THSD7B: variants seen among roughly 807,000 people sequenced by gnomAD.
THSD7B encodes thrombospondin type-1 domain-containing protein 7B.
A neutral mutation model predicts 213.6 loss-of-function variants in THSD7B; 138 were observed. The observed-to-expected ratio is 0.65, with a 90% CI of 0.56 to 0.74. The LOEUF is 0.74. THSD7B is among the 30% of genes least tolerant of loss of function. The pLI is 0.00. For missense variants in THSD7B, 1,931 were observed against 1,991.5 expected (o/e 0.97, Z 0.58); for synonymous variants, 742 against 687.0 (o/e 1.08, Z -1.25).
intron 3 of THSD7B, among the ~76,000 whole-genome samples, chr2:137,090,388 C>T (rs1488807507): frequency 3.3e-5 from 5 of 151,952 alleles, no homozygotes; most frequent in African/African-American, 1.2e-4. Context: ...TTATATTACT[C>T]TATTTTTCTA....
intron 2 of THSD7B, among the ~76,000 whole-genome samples, chr2:136,885,229 C>G (rs1056829789): frequency 1.3e-5 from 2 of 152,156 alleles, no homozygotes; most frequent in African/African-American, 2.4e-5. Context: ...TACTCTTTTG[C>G]TGGTGTCTAT....
At chr2:137,374,853 C>T (rs572893318) in intron 12 of THSD7B, among the ~76,000 whole-genome samples, 1 of 152,252 alleles carries the variant, frequency 6.6e-6, no homozygotes, top group Admixed American at 6.5e-5. Flanking sequence ...TATCAATACA[C>T]TTGAGTTTCC....
intron 15 of THSD7B, among the ~76,000 whole-genome samples, chr2:137,510,217 G>GA (rs1313797978): frequency 2.6e-5 from 4 of 151,846 alleles, no homozygotes; most frequent in Non-Finnish European, 5.9e-5. Context: ...TATCTTCGAT[G>GA]AATTTTAATA....
intron 19 of THSD7B, among the ~76,000 whole-genome samples, chr2:137,619,610 C>T (rs1395617497): frequency 8.6e-6 from 1 of 116,364 alleles, no homozygotes; most frequent in Non-Finnish European, 2.0e-5. Flanking sequence ...CTACAACTCC[C>T]AATAGGTGAG....
intron 7 of THSD7B, among the ~76,000 whole-genome samples, chr2:137,177,519 C>T (rs1680380728): frequency 6.6e-6 from 1 of 152,170 alleles, no homozygotes; most frequent in Non-Finnish European, 1.5e-5. Flanking sequence ...GCATCAGAAT[C>T]ACCTGGTGGG....
At chr2:136,815,249 A>C (rs571640012) in intron 1 of THSD7B, among the ~76,000 whole-genome samples, 3 of 152,214 alleles carry the variant, frequency 2.0e-5, no homozygotes, top group Admixed American at 6.5e-5. Context: ...TGGAGAGAAG[A>C]AGCACAGGAG....
At chr2:137,328,989 T>C (rs1684432210) in intron 12 of THSD7B, among the ~76,000 whole-genome samples, 1 of 152,170 alleles carries the variant, frequency 6.6e-6, no homozygotes, top group South Asian at 2.1e-4. Context: ...AGTGTGAGAA[T>C]GGACTAATGC....
chr2:136,769,953 A>G (rs1023554678), intron 1 of THSD7B, among the ~76,000 whole-genome samples: 5 of 152,250 alleles, frequency 3.3e-5, no homozygotes, highest in Non-Finnish European at 7.3e-5. Context: ...GTAATTAAAC[A>G]TGCCATAGCT....
At position 137,319,200 on chromosome 2, in the gene THSD7B, G is replaced by A. The variant is rs539875399; in HGVS notation, c.2500+43174G>A. On this transcript the variant is annotated intron_variant, in intron 12 of 27. Coordinates refer to ENST00000409968, the MANE Select transcript of THSD7B (RefSeq NM_001316349.2). ...AAGACAAAAAAAAGGGAGTTAAGAT[G>A]ACTATACTGTAAGTATATATTTCTT... is the stretch of plus-strand genomic sequence containing the variant. Among the ~76,000 whole-genome samples, 64 of 151,392 alleles carry A rather than the reference G, an allele frequency of 4.2e-4. 1 individual carries two copies. The South Asian group carries it at 6.9e-3, about 16-fold the overall frequency.
intron 12 of THSD7B, among the ~76,000 whole-genome samples, chr2:137,347,327 G>A (rs1684896122): frequency 1.3e-5 from 2 of 151,586 alleles, no homozygotes; most frequent in East Asian, 1.9e-4. Context: ...CCTGTAAGTG[G>A]GTACGAGTTA....
intron 10 of THSD7B, among the ~76,000 whole-genome samples, chr2:137,246,466 G>GGTTGTTTA (rs1682041600): frequency 6.6e-6 from 1 of 152,170 alleles, no homozygotes; most frequent in African/African-American, 2.4e-5. Flanking sequence ...ATGGGACCAA[G>GGTTGTTTA]TGCACCAGCA....
chr2:137,372,918 A>T (rs543847598), intron 12 of THSD7B, among the ~76,000 whole-genome samples: 1 of 132,464 alleles, frequency 7.5e-6, no homozygotes, highest in African/African-American at 2.9e-5. Context: ...TCATTGTTCA[A>T]TTCCCACCTA....
At chr2:137,431,061 C>A (rs942372876) in intron 14 of THSD7B, among the ~76,000 whole-genome samples, 4 of 152,128 alleles carry the variant, frequency 2.6e-5, no homozygotes, top group African/African-American at 9.7e-5. Flanking sequence ...TAAGAGTGAA[C>A]GTGGCCCATA....
intron 2 of THSD7B, among the ~76,000 whole-genome samples, chr2:137,027,162 A>G (rs1291292923): frequency 6.6e-6 from 1 of 152,212 alleles, no homozygotes; most frequent in African/African-American, 2.4e-5. Context: ...TGGCACCAAA[A>G]TCAAGCCCAC....
intron 7 of THSD7B, 137 bp downstream of exon 7, chr2:137,171,075 G>T (rs910802570): frequency 1.8e-5 from 18 of 986,180 alleles, no homozygotes; most frequent in Non-Finnish European, 2.7e-5. Flanking sequence ...TGTTTACATC[G>T]AGTGACACAT....
intron 27 of THSD7B, among the ~76,000 whole-genome samples, chr2:137,670,402 C>T (rs1269468966): frequency 6.6e-6 from 1 of 152,152 alleles, no homozygotes; most frequent in East Asian, 1.9e-4. Context: ...GCTACTAATT[C>T]CCTATACCCT....
rs565746093 is a variant in THSD7B, at chr2:137,398,897, G to T, written c.2501-6716G>T. Among the ~76,000 whole-genome samples, 12 of 152,284 alleles carry T rather than the reference G, an allele frequency of 7.9e-5. No homozygotes were observed. The East Asian group carries it at 2.1e-3, about 27-fold the overall frequency. ...CGTTTTTTAAGCCTGTCAGAAAAGC[G>T]CAATATTCGGGTGGGAGTGACCCGA... On this transcript the variant is annotated intron_variant, in intron 12 of 27. Coordinates refer to ENST00000409968, the MANE Select transcript of THSD7B (RefSeq NM_001316349.2).
chr2:137,417,332 G>A (rs1411429819), intron 14 of THSD7B, among the ~76,000 whole-genome samples: 1 of 152,142 alleles, frequency 6.6e-6, no homozygotes, highest in African/African-American at 2.4e-5. Flanking sequence ...GTTGAGCTGG[G>A]AGAACATGCT....
chr2:137,410,571 G>T (rs1332911646), intron 13 of THSD7B, among the ~76,000 whole-genome samples: 2 of 151,994 alleles, frequency 1.3e-5, no homozygotes, highest in Non-Finnish European at 2.9e-5. Context: ...GCCCAGCTTA[G>T]AAATTCTTAT....
Sources: gnomAD v4.1 joint callset for allele counts (sites outside exome capture counted in the v4.1 genomes callset) on GRCh38, gnomAD v4.1.1 for gene constraint, MANE v1.5 for transcripts, NCBI Gene and HGNC (gene_info 2026-07-23, HGNC 2026-07-21) for gene names.